Variants in EHBP1 observed in about 807,000 individuals in gnomAD.
EHBP1 encodes the protein EH domain binding protein 1, also known as EH domain-binding protein 1.
In EHBP1, 55 loss-of-function variants were observed where a neutral mutation model predicts 144.0. The observed-to-expected ratio is 0.38, with a 90% CI of 0.31 to 0.48. EHBP1 has a LOEUF of 0.48. Ranked by LOEUF, EHBP1 falls within the 20% of genes least tolerant of loss-of-function variation. The pLI is 0.98. For synonymous variants in EHBP1, 469 were observed against 472.7 expected (o/e 0.99, Z 0.10); for missense variants, 1,200 against 1,364.2 (o/e 0.88, Z 1.90).
At chr2:62,769,836 G>A (rs2041509221) in intron 4 of EHBP1, among the ~76,000 whole-genome samples, 1 of 147,870 alleles carries the variant, frequency 6.8e-6, no homozygotes, top group Non-Finnish European at 1.5e-5. Context: ...TAGACTAATG[G>A]AACAGAATAG....
chr2:62,975,234 A>C (rs1444632339), intron 14 of EHBP1, among the ~76,000 whole-genome samples: 1 of 152,204 alleles, frequency 6.6e-6, no homozygotes, highest in Non-Finnish European at 1.5e-5. Flanking sequence ...GACAGAATAT[A>C]AGAATTTCAA....
chr2:62,757,275 C>T (rs1208508235), intron 3 of EHBP1, among the ~76,000 whole-genome samples: 2 of 151,944 alleles, frequency 1.3e-5, no homozygotes, highest in Non-Finnish European at 2.9e-5. Context: ...GAGGCGTGCA[C>T]CACCATGCTG....
intron 18 of EHBP1, among the ~76,000 whole-genome samples, chr2:62,995,341 A>G (rs2059588372): frequency 6.6e-6 from 1 of 152,210 alleles, no homozygotes; most frequent in Admixed American, 6.5e-5. Context: ...GTCAACTGCC[A>G]TAATCAATTT....
rs576205311 is a variant in EHBP1, at chr2:62,881,864, A to C, written c.1185+7332A>C. On this transcript the variant is annotated intron_variant, in intron 10 of 22. Transcript: ENST00000431489. ...TAGTCATGGGTGTGCTTTTACCGCT[A>C]TATTAGGTTATTTAATTCTCATAGC... The C allele has an allele frequency of 5.9e-5, 9 of 152,258 alleles. No homozygotes were observed. The South Asian group carries it at 1.7e-3, about 28-fold the overall frequency. 9.4% of individuals were successfully genotyped at this position (152,258 alleles called of 1,614,324 possible).
chr2:62,790,286 G>T (rs2043087099), intron 5 of EHBP1, among the ~76,000 whole-genome samples: 1 of 152,090 alleles, frequency 6.6e-6, no homozygotes, highest in Admixed American at 6.5e-5. Flanking sequence ...TAACACAAAG[G>T]TTTTTTGTTG....
chr2:62,982,247 G>A (rs1284022828), intron 15 of EHBP1, among the ~76,000 whole-genome samples: 1 of 152,200 alleles, frequency 6.6e-6, no homozygotes, highest in Non-Finnish European at 1.5e-5. Flanking sequence ...AGACATCCTG[G>A]AAAGGGCCAG....
intron 20 of EHBP1, among the ~76,000 whole-genome samples, chr2:63,038,052 A>G (rs1013130874): frequency 6.6e-6 from 1 of 152,142 alleles, no homozygotes; most frequent in Non-Finnish European, 1.5e-5. Flanking sequence ...AAATTTTGGG[A>G]TAAAAGATAA....
At chr2:62,800,932 T>A (rs930349653) in intron 5 of EHBP1, among the ~76,000 whole-genome samples, 2 of 152,178 alleles carry the variant, frequency 1.3e-5, no homozygotes, top group African/African-American at 4.8e-5. Context: ...TTAGTCAACA[T>A]TGGACAAGAA....
At chr2:62,989,310 T>G (rs535362227) in intron 15 of EHBP1, among the ~76,000 whole-genome samples, 1 of 152,204 alleles carries the variant, frequency 6.6e-6, no homozygotes, top group East Asian at 1.9e-4. Flanking sequence ...AGGACATCCA[T>G]AAGTACTGGA....
At chr2:62,690,691 T>C (rs2033877512) in intron 1 of EHBP1, among the ~76,000 whole-genome samples, 1 of 152,198 alleles carries the variant, frequency 6.6e-6, no homozygotes, top group South Asian at 2.1e-4. Context: ...CTTTGTCTCC[T>C]ACCAGGGAGA....
chr2:62,763,561 T>C (rs754311766), intron 3 of EHBP1, among the ~76,000 whole-genome samples: 2 of 152,162 alleles, frequency 1.3e-5, no homozygotes, highest in Non-Finnish European at 2.9e-5. Context: ...CTGTAGCCAA[T>C]AGAGGTGAAG....
intron 14 of EHBP1, 62 bp from the exon 15 acceptor site, chr2:62,979,126 G>T: frequency 1.3e-6 from 2 of 1,534,334 alleles, no homozygotes; most frequent in Non-Finnish European, 1.8e-6. Context: ...ATGATGATCA[G>T]ATTGAAAATG....
intron 10 of EHBP1, among the ~76,000 whole-genome samples, chr2:62,915,710 TA>T (rs11315783): frequency 0.38 from 57,788 of 151,816 alleles, 11,514 homozygotes; most frequent in East Asian, 0.67. Flanking sequence ...TTTAAGGATT[TA>T]AAAAAAATTT....
chr2:62,955,395 T>G (rs1558976415), intron 13 of EHBP1, 122 bp from the exon 14 acceptor site: 4 of 927,420 alleles, frequency 4.3e-6, no homozygotes, highest in Non-Finnish European at 3.1e-6. Flanking sequence ...GGTAATCTCA[T>G]GAAGCTACAA....
chr2:62,976,859 T>G (rs2058739961), intron 14 of EHBP1, among the ~76,000 whole-genome samples: 1 of 152,174 alleles, frequency 6.6e-6, no homozygotes. Flanking sequence ...ATAGTTCCTT[T>G]TAGTTTTTCT....
chr2:62,993,534 G>A lies in EHBP1; in HGVS notation c.2738G>A (p.Gly913Asp), dbSNP rs754374097. The A allele has an allele frequency of 1.3e-6, 2 of 1,582,320 alleles. No individual in the cohort carries two copies. Among genetic ancestry groups the A allele is most frequent in the African/African-American group, 1.3e-5 (1 of 74,160 alleles). ...TESSEQDMKS[G>D]TEDLRTERLQ... ...CATGTGTTGTTTTACGTTTAGAGTG[G>A]CACAGAAGATCTCCGGACTGAACGA... Residue 913 changes from glycine to aspartate, a missense_variant, in exon 17 of 23, where the codon GGC (glycine) becomes GAC (aspartate). Transcript: ENST00000431489.
chr2:63,019,759 GGGAGGGGAGA>G lies in EHBP1; in HGVS notation c.3104-17766_3104-17757del, dbSNP rs1217115495. Among the ~76,000 whole-genome samples, 3 of 143,964 alleles carry G rather than the reference GGGAGGGGAGA, an allele frequency of 2.1e-5. No individual in the cohort carries two copies. In the Admixed American group the frequency reaches 2.1e-4, roughly 10 times the overall value. 94.4% of individuals were successfully genotyped at this position (143,964 alleles called of 152,430 possible). ...GGAAGAGGAGGGGAGGGAAGAGGAGGGGAGGGGAGAGGAGGGGAGGAGAAGGGAAAGGGGG... is the reference window on the plus strand; with the variant it reads ...GGAAGAGGAGGGGAGGGAAGAGGAGGGGAGGGGAGGAGAAGGGAAAGGGGG... On this transcript the variant is annotated intron_variant, in intron 19 of 22. Transcript: ENST00000431489.
At chr2:62,736,898 A>G (rs895776288) in intron 2 of EHBP1, among the ~76,000 whole-genome samples, 3 of 152,138 alleles carry the variant, frequency 2.0e-5, no homozygotes, top group Admixed American at 6.5e-5. Flanking sequence ...TATGCCTTGT[A>G]ATATTTTTCT....
chr2:62,835,143 C>T (rs933867845), intron 7 of EHBP1, among the ~76,000 whole-genome samples: 22 of 151,966 alleles, frequency 1.4e-4, no homozygotes, highest in African/African-American at 5.1e-4. Context: ...GCATATTTGT[C>T]ACTTGATTTT....
Sources: gnomAD v4.1 joint callset for allele counts (sites outside exome capture counted in the v4.1 genomes callset) on GRCh38, gnomAD v4.1.1 for gene constraint, MANE v1.5 for transcripts, NCBI Gene and HGNC (gene_info 2026-07-23, HGNC 2026-07-21) for gene names.